ANKRD34C: variants seen among roughly 807,000 people sequenced by gnomAD.
ANKRD34C encodes the protein ankyrin repeat domain-containing protein 34C.
For synonymous variants in ANKRD34C, 260 were observed against 253.6 expected, an observed-to-expected ratio of 1.03 and a Z score of -0.24; for missense variants, 563 against 653.0, an observed-to-expected ratio of 0.86 and a Z score of 1.50.
intron 1 of ANKRD34C, among the ~76,000 whole-genome samples, chr15:79,284,367 G>A (rs1225343213): frequency 1.3e-5 from 2 of 152,170 alleles, no homozygotes; most frequent in South Asian, 2.1e-4. Context: ...AAAAACGTGT[G>A]CCCTTAGACA....
intron 1 of ANKRD34C, among the ~76,000 whole-genome samples, chr15:79,288,184 T>C (rs1285549984): frequency 1.3e-5 from 2 of 152,206 alleles, no homozygotes; most frequent in Admixed American, 6.5e-5. Flanking sequence ...TGGGAGGCAG[T>C]TATCATCAGT....
At chr15:79,293,177 T>C in intron 1 of ANKRD34C, 64 bp from the exon 2 acceptor site, 2 of 1,239,810 alleles carry the variant, frequency 1.6e-6, no homozygotes, top group Non-Finnish European at 2.2e-6. Flanking sequence ...GACCCCGTAA[T>C]AACCATGCTG....
Position 79,294,211 on chromosome 15 carries a change from C to G in ANKRD34C, c.927C>G (p.Leu309=), listed in dbSNP as rs1443309788. 2 of 1,551,572 alleles carry G rather than the reference C, an allele frequency of 1.3e-6. No individual in the cohort carries two copies. The highest frequency in any genetic ancestry group is 4.9e-5 in the East Asian group (2 of 40,926). ...TNSIDSKDPT[L]FHTVTEQVLK... ...GTATCGATAGCAAAGACCCCACCCT[C>G]TTTCACACAGTCACAGAGCAGGTTC... Residue 309 remains leucine, a synonymous_variant, in exon 2 of 2, where the codon CTC becomes CTG. Transcript: ENST00000421388.
rs1318958375 is a variant in ANKRD34C at position 79,296,809 on chromosome 15, A to G, written c.*1917A>G. The G allele has an allele frequency of 6.0e-6, 1 of 167,112 alleles. No individual in the cohort carries two copies. The highest frequency in any genetic ancestry group is 1.5e-5 in the Non-Finnish European group (1 of 68,140). The allele number at this position is 167,112 out of a possible 1,614,324, so 10.4% of individuals were successfully genotyped here. A position where few individuals can be genotyped will look rare whatever the true frequency, so the allele number is the denominator to read the frequency against. ...CAAAAATGTCTCTAGACGTGGCCAG[A>G]TGTCTCCTGGGTGCATCACCTTCGT... On this transcript the variant is annotated 3_prime_UTR_variant, in exon 2 of 2. Coordinates refer to ENST00000421388, the MANE Select transcript of ANKRD34C (RefSeq NM_001146341.2).
In ANKRD34C at chr15:79,293,547, C is replaced by T; in HGVS notation, c.263C>T (p.Ala88Val). The change falls in exon 2 of 2, where the codon GCC (alanine) becomes GTC (valine). Residue 88 changes from alanine to valine, a missense_variant. By Grantham distance (64) the Ala-to-Val change is moderately conservative. Transcript: ENST00000421388. ...PNIQDKSGKT[A>V]LIHACIRRAG... ...ATCCAAGATAAGTCTGGCAAGACTG[C>T]CCTCATCCATGCCTGTATCAGAAGA... 1.9e-6 allele frequency: 3 copies of T among 1,551,604 alleles called. No homozygotes were observed. Among genetic ancestry groups the T allele is most frequent in the Non-Finnish European group, 2.6e-6 (3 of 1,146,950 alleles).
At position 79,293,249 on chromosome 15, in the gene ANKRD34C, G is replaced by T; in HGVS notation, c.-36G>T. On this transcript the variant is annotated 5_prime_UTR_variant, in exon 2 of 2. Coordinates refer to ENST00000421388, the MANE Select transcript of ANKRD34C (RefSeq NM_001146341.2). ...TCTTCTTCCTTTGCTAGGTTTGATT[G>T]CTACTGTGGCTCAGGTCCTCTAAAC... 1 of 1,469,734 alleles carries T rather than the reference G, an allele frequency of 6.8e-7. No individual in the cohort carries two copies. Among genetic ancestry groups the T allele is most frequent in the South Asian group, 1.4e-5 (1 of 69,546 alleles). The allele number at this position is 1,469,734 out of a possible 1,614,324, so 91.0% of individuals were successfully genotyped here.
rs901754629 is a variant in ANKRD34C, at chr15:79,290,495, AGGGGCTGGCTGGGGCTGGCT to A, written c.-44-2732_-44-2713del. ...TTCTCTAATGCAATTGCAATCCTCT[AGGGGCTGGCTGGGGCTGGCT>A]GGGGCTGGCTGGGCTGAGATTGTCT... On this transcript the variant is annotated intron_variant, in intron 1 of 1. Transcript: ENST00000421388. 2.6e-5 allele frequency among the ~76,000 whole-genome samples: 4 copies of A among 151,986 alleles called. No individual in the cohort carries two copies. The South Asian group carries it at 8.3e-4, about 32-fold the overall frequency.
chr15:79,289,349 A>C (rs2058653741), intron 1 of ANKRD34C, among the ~76,000 whole-genome samples: 1 of 152,182 alleles, frequency 6.6e-6, no homozygotes, highest in Admixed American at 6.5e-5. Flanking sequence ...TGTTATGCCT[A>C]TTGGTGGGCT....
Position 79,294,572 on chromosome 15 carries a change from T to A in ANKRD34C, c.1288T>A (p.Ser430Thr). The part of the protein sequence containing the change: ...RESLDTVPST[S>T]PSSARRRPPH... Reference sequence around the variant, plus strand: ...GTCCCTGGACACTGTACCTAGCACATCCCCCAGCTCAGCACGCCGCAGGCC... The same window carrying A: ...GTCCCTGGACACTGTACCTAGCACAACCCCCAGCTCAGCACGCCGCAGGCC... Residue 430 changes from serine to threonine, a missense_variant, in exon 2 of 2, where the codon TCC (serine) becomes ACC (threonine). Ser to Thr is a moderately conservative substitution (Grantham distance 58, BLOSUM62 1). Transcript: ENST00000421388. 1 of 1,551,526 alleles carries A rather than the reference T, an allele frequency of 6.4e-7. No individual in the cohort carries two copies. Among genetic ancestry groups the A allele is most frequent in the Non-Finnish European group, 8.7e-7 (1 of 1,146,958 alleles).
intron 1 of ANKRD34C, among the ~76,000 whole-genome samples, chr15:79,290,403 G>C (rs2058656198): frequency 6.6e-6 from 1 of 152,074 alleles, no homozygotes; most frequent in African/African-American, 2.4e-5. Context: ...ACACATATTA[G>C]TTTATTCTCT....
In ANKRD34C at chr15:79,297,836, A is replaced by G. The variant is rs144113655; in HGVS notation, c.*2944A>G. The G allele has an allele frequency of 1.2e-5, 2 of 166,368 alleles. No individual in the cohort carries two copies. The highest frequency in any genetic ancestry group is 2.9e-5 in the Non-Finnish European group (2 of 68,116). The allele number at this position is 166,368 out of a possible 1,614,324, so 10.3% of individuals were successfully genotyped here. A position where few individuals can be genotyped will look rare whatever the true frequency, so the allele number is the denominator to read the frequency against. On this transcript the variant is annotated 3_prime_UTR_variant, in exon 2 of 2. Transcript: ENST00000421388. Reference sequence around the variant, plus strand: ...TCTTTTTGAAATCCTGGAGTCACTTATAAGTTAGCTGCAAACTGTAGTTTC... The same window carrying G: ...TCTTTTTGAAATCCTGGAGTCACTTGTAAGTTAGCTGCAAACTGTAGTTTC...
chr15:79,294,845 A>G lies in ANKRD34C; in HGVS notation c.1561A>G (p.Ile521Val), dbSNP rs1481468543. 7 of 1,547,864 alleles carry G rather than the reference A, an allele frequency of 4.5e-6. No homozygotes were observed. Among genetic ancestry groups the G allele is most frequent in the Non-Finnish European group, 6.1e-6 (7 of 1,146,104 alleles). The change falls in exon 2 of 2, where the codon ATT becomes GTT. Residue 521 changes from isoleucine to valine, a missense_variant. Transcript: ENST00000421388. ...GCTCCTCAGAAGGCATTCTATGCAAATTGAACAAATGAAACAGCTGTCTGA... is the reference window on the plus strand; with the variant it reads ...GCTCCTCAGAAGGCATTCTATGCAAGTTGAACAAATGAAACAGCTGTCTGA... ...KKLLRRHSMQ[I>V]EQMKQLSDFE...
intron 1 of ANKRD34C, among the ~76,000 whole-genome samples, chr15:79,291,958 G>A (rs988879457): frequency 6.6e-6 from 1 of 152,170 alleles, no homozygotes; most frequent in Non-Finnish European, 1.5e-5. Flanking sequence ...TAAATAACAA[G>A]TATCTATTCA....
Position 79,293,452 on chromosome 15 carries a change from T to C in ANKRD34C, c.168T>C (p.His56=), listed in dbSNP as rs2058664557. 3.9e-6 allele frequency: 6 copies of C among 1,551,448 alleles called. No individual in the cohort carries two copies. Among genetic ancestry groups the C allele is most frequent in the Non-Finnish European group, 3.5e-6 (4 of 1,146,954 alleles). The change falls in exon 2 of 2, where the codon CAT becomes CAC. Residue 56 remains histidine, a synonymous_variant. Coordinates refer to ENST00000421388, the MANE Select transcript of ANKRD34C (RefSeq NM_001146341.2). The stretch of plus-strand genomic sequence containing the variant: ...TCATGGTGGCGTGCATCACCAAACA[T>C]GTGGACCAGCAAAGCATCAGCAAGT... ...TALMVACITK[H]VDQQSISKSK...
In ANKRD34C at chr15:79,290,827, T is replaced by C. The variant is rs189287100; in HGVS notation, c.-44-2414T>C. Among the ~76,000 whole-genome samples, 201 of 152,226 alleles carry C rather than the reference T, an allele frequency of 1.3e-3. 1 individual carries two copies. Among genetic ancestry groups the C allele is most frequent in the African/African-American group, 4.1e-3 (170 of 41,520 alleles). On this transcript the variant is annotated intron_variant, in intron 1 of 1. Coordinates refer to ENST00000421388, the MANE Select transcript of ANKRD34C (RefSeq NM_001146341.2). ...TAGGCATGGAATTACTGTGTCAGAG[T>C]GTGGGCTTTGGTTCAGTCTAGTTCA...
At chr15:79,292,579 C>G (rs1596040283) in intron 1 of ANKRD34C, among the ~76,000 whole-genome samples, 1 of 152,168 alleles carries the variant, frequency 6.6e-6, no homozygotes, top group East Asian at 1.9e-4. Flanking sequence ...AAAGGGATAA[C>G]TAGATTGATT....
intron 1 of ANKRD34C, among the ~76,000 whole-genome samples, chr15:79,289,846 A>G (rs1249349451): frequency 1.3e-5 from 2 of 152,214 alleles, no homozygotes; most frequent in Non-Finnish European, 2.9e-5. Context: ...AGAAAGTTGC[A>G]AAGTATTAAG....
rs191049943 is a variant in ANKRD34C at position 79,291,494 on chromosome 15, T to A, written c.-44-1747T>A. Among the ~76,000 whole-genome samples, 193 of 151,552 alleles carry A rather than the reference T, an allele frequency of 1.3e-3. 1 individual carries two copies. The highest frequency in any genetic ancestry group is 3.9e-3 in the African/African-American group (163 of 41,270). On this transcript the variant is annotated intron_variant, in intron 1 of 1. Transcript: ENST00000421388. The stretch of plus-strand genomic sequence containing the variant: ...GCATAGGGCTTTAACACAACAATGC[T>A]GTGTAGGACCACAGAGGAATAAAAA...
intron 1 of ANKRD34C, among the ~76,000 whole-genome samples, chr15:79,289,099 C>A (rs1264289945): frequency 6.6e-6 from 1 of 152,122 alleles, no homozygotes; most frequent in Non-Finnish European, 1.5e-5. Flanking sequence ...GGATTACAGG[C>A]GTGAGCCACC....
Sources: allele counts gnomAD v4.1 joint callset (sites outside exome capture counted in the v4.1 genomes callset), GRCh38; gene constraint gnomAD v4.1.1; transcripts MANE v1.5; gene names NCBI Gene and HGNC (gene_info 2026-07-23, HGNC 2026-07-21).